ZNF569: variants seen among roughly 807,000 people sequenced by gnomAD.
The protein encoded by ZNF569 is DNA-binding protein.
Under a neutral mutation model 56.3 loss-of-function variants are expected in ZNF569, and 38 were observed. The observed-to-expected ratio is 0.68, with a 90% confidence interval of 0.52 to 0.88. ZNF569 has a LOEUF of 0.88. Among genes scored for constraint, ZNF569 ranks in the 40% least tolerant of loss-of-function variants. The pLI is 0.00. For missense variants in ZNF569, 666 were observed against 809.2 expected (o/e 0.82, Z 2.15); for synonymous variants, 241 against 262.9 (o/e 0.92, Z 0.81).
intron 3 of ZNF569, among the ~76,000 whole-genome samples, chr19:37,440,982 G>A (rs2041394980): frequency 6.6e-6 from 1 of 151,908 alleles, no homozygotes; most frequent in Non-Finnish European, 1.5e-5. Flanking sequence ...TACTACCTTG[G>A]CCTCTACTCA....
At chr19:37,417,810 C>A (rs948138929) in intron 5 of ZNF569, among the ~76,000 whole-genome samples, 2 of 152,036 alleles carry the variant, frequency 1.3e-5, no homozygotes, top group African/African-American at 4.8e-5. Context: ...TCCTTTTGTA[C>A]TTTAAAAGTT....
At chr19:37,454,916 C>G (rs2041649919) in intron 2 of ZNF569, 6 of 700,578 alleles carry the variant, frequency 8.6e-6, no homozygotes, top group Non-Finnish European at 1.6e-5. Context: ...CTTTCTTTCC[C>G]CAGATTTAAG....
chr19:37,454,802 T>C (rs564750902), intron 2 of ZNF569: 8 of 700,386 alleles, frequency 1.1e-5, no homozygotes, highest in African/African-American at 7.0e-5. Context: ...TTTAAAAATT[T>C]GTTTAAAAAC....
intron 2 of ZNF569, among the ~76,000 whole-genome samples, chr19:37,446,549 C>CAAAAAAAAAA (rs74174464): frequency 3.3e-5 from 2 of 60,454 alleles, no homozygotes. Context: ...GACTCCATCT[C>CAAAAAAAAAA]AAAAAAAAAA....
At chr19:37,422,238 G>A (rs1415910687) in intron 5 of ZNF569, among the ~76,000 whole-genome samples, 1 of 152,164 alleles carries the variant, frequency 6.6e-6, no homozygotes, top group East Asian at 1.9e-4. Context: ...GGTCATTGTA[G>A]GGTTATTAAT....
chr19:37,448,606 C>A (rs2041539349), intron 2 of ZNF569, among the ~76,000 whole-genome samples: 1 of 142,326 alleles, frequency 7.0e-6, no homozygotes, highest in South Asian at 2.3e-4. Context: ...CCCTGTCGCC[C>A]AGGCTGGAGT....
rs199794961 is a variant in ZNF569, at chr19:37,418,101, A to AAATAATAATAATAAT, written c.239-3697_239-3683dup. Among the ~76,000 whole-genome samples the AAATAATAATAATAAT allele has an allele frequency of 5.0e-3, 710 of 143,290 alleles. 5 individuals are homozygous for AAATAATAATAATAAT. Among genetic ancestry groups the AAATAATAATAATAAT allele is most frequent in the East Asian group, 0.045 (222 of 4,900 alleles). 94.0% of individuals were successfully genotyped at this position (143,290 alleles called of 152,430 possible). A position where few individuals can be genotyped will look rare whatever the true frequency, so the allele number is the denominator to read the frequency against. ...GGGTAACAGAGTGAGACTCCATCTCAAATAATAATAATAATAATAATAATA... is the reference window on the plus strand; with the variant it reads ...GGGTAACAGAGTGAGACTCCATCTCAAATAATAATAATAATAATAATAATAATAATAATAATAATA... On this transcript the variant is annotated intron_variant, in intron 5 of 5. Coordinates refer to ENST00000316950, the MANE Select transcript of ZNF569 (RefSeq NM_152484.3).
At position 37,414,120 on chromosome 19, in the gene ZNF569, G is replaced by A. The variant is rs377591054; in HGVS notation, c.538C>T (p.His180Tyr). The A allele has an allele frequency of 5.6e-6, 9 of 1,613,672 alleles. No homozygotes were observed. The African/African-American group carries it at 9.3e-5, about 17-fold the overall frequency. ...PVKSYGNSSS[H>Y]FVITPFKCNH... Reference sequence around the variant, plus strand: ...CACTTAAAGGGGGTAATGACAAAATGGGATGAGCTATTACCATATGATTTC... The same window carrying A: ...CACTTAAAGGGGGTAATGACAAAATAGGATGAGCTATTACCATATGATTTC... Residue 180 changes from histidine (H) to tyrosine (Y), a missense_variant, in exon 6 of 6, where the codon CAT becomes TAT. Coordinates refer to ENST00000316950, the MANE Select transcript of ZNF569 (RefSeq NM_152484.3).
At position 37,413,055 on chromosome 19, in the gene ZNF569, C is replaced by T; in HGVS notation, c.1603G>A (p.Ala535Thr). The T allele has an allele frequency of 6.2e-7, 1 of 1,613,436 alleles. No individual in the cohort carries two copies. The highest frequency in any genetic ancestry group is 8.5e-7 in the Non-Finnish European group (1 of 1,179,788). ...NECGKAFSQI[A>T]SLTLHLRSHT... The stretch of plus-strand genomic sequence containing the variant: ...CTTCTCAAATGAAGGGTAAGGGATG[C>T]AATTTGAGAGAAGGCTTTACCACAT... The change falls in exon 6 of 6, where the codon GCA becomes ACA. Residue 535 changes from alanine to threonine, a missense_variant. Ala to Thr is a moderately conservative substitution (Grantham distance 58). Coordinates refer to ENST00000316950, the MANE Select transcript of ZNF569 (RefSeq NM_152484.3).
intron 3 of ZNF569, among the ~76,000 whole-genome samples, chr19:37,441,029 T>A (rs1033765325): frequency 1.1e-4 from 17 of 152,190 alleles, no homozygotes; most frequent in Admixed American, 8.5e-4. Context: ...ACCAGTATAC[T>A]AGTTTTGAAG....
At chr19:37,443,504 G>C (rs997840085) in intron 3 of ZNF569, among the ~76,000 whole-genome samples, 1 of 152,112 alleles carries the variant, frequency 6.6e-6, no homozygotes, top group Non-Finnish European at 1.5e-5. Flanking sequence ...AGTGTACTAG[G>C]TGATCTTCTA....
At chr19:37,462,804 A>AAT (rs1340947788) in intron 2 of ZNF569, among the ~76,000 whole-genome samples, 1 of 152,108 alleles carries the variant, frequency 6.6e-6, no homozygotes, top group Non-Finnish European at 1.5e-5. Flanking sequence ...GACCTCATTC[A>AAT]GTCTCGTGTT....
At chr19:37,445,807 C>CA (rs1219739963) in intron 2 of ZNF569, among the ~76,000 whole-genome samples, 1 of 152,018 alleles carries the variant, frequency 6.6e-6, no homozygotes, top group African/African-American at 2.4e-5. Flanking sequence ...ATAACACAAA[C>CA]AAATGGAAAC....
chr19:37,429,396 C>T (rs1442530917), intron 3 of ZNF569, among the ~76,000 whole-genome samples: 1 of 152,176 alleles, frequency 6.6e-6, no homozygotes, highest in East Asian at 1.9e-4. Context: ...TCGTTCTCTG[C>T]CCTTTGGAGC....
chr19:37,413,097 G>A lies in ZNF569; in HGVS notation c.1561C>T (p.Pro521Ser), dbSNP rs181476478. The A allele has an allele frequency of 8.1e-6, 13 of 1,613,614 alleles. No individual in the cohort carries two copies. Among genetic ancestry groups the A allele is most frequent in the Admixed American group, 6.7e-5 (4 of 59,958 alleles). ...THQKVHTGEK[P>S]YDCNECGKAF... The stretch of plus-strand genomic sequence containing the variant: ...TTACCACATTCATTACAATCATAAG[G>A]TTTCTCTCCAGTATGAACTTTTTGA... Residue 521 changes from proline to serine, a missense_variant, in exon 6 of 6, where the codon CCT (proline) becomes TCT (serine). Pro to Ser is a moderately conservative substitution (Grantham distance 74). Transcript: ENST00000316950.
In ZNF569 at chr19:37,412,589, T is replaced by C. The variant is rs368111806; in HGVS notation, c.*8A>G. On this transcript the variant is annotated 3_prime_UTR_variant, in exon 6 of 6. Coordinates refer to ENST00000316950, the MANE Select transcript of ZNF569 (RefSeq NM_152484.3). The stretch of plus-strand genomic sequence containing the variant: ...GGCCTTGCCATATTCACAATATTCA[T>C]AGGGTTTCTAATGAGTATGAATTCT... 15 of 1,573,052 alleles carry C rather than the reference T, an allele frequency of 9.5e-6. No homozygotes were observed. In the East Asian group the frequency reaches 2.0e-4, roughly 21 times the overall value.
intron 3 of ZNF569, among the ~76,000 whole-genome samples, chr19:37,440,993 G>A (rs947718062): frequency 2.0e-5 from 3 of 152,066 alleles, no homozygotes; most frequent in African/African-American, 4.8e-5. Flanking sequence ...CCTCTACTCA[G>A]CACTCACTGG....
Position 37,412,769 on chromosome 19 carries a change from C to T in ZNF569, c.1889G>A (p.Gly630Asp). ...TTTACTACAGTCGAAGGGTTTCTCACCTGTATGTCCTCGTATATGTATAGT... is the reference window on the plus strand; with the variant it reads ...TTTACTACAGTCGAAGGGTTTCTCATCTGTATGTCCTCGTATATGTATAGT... Reference protein sequence around the residue: ...SLTIHIRGHTGEKPFDCSKCG... With the variant: ...SLTIHIRGHTDEKPFDCSKCG... Residue 630 changes from glycine (G) to aspartate (D), a missense_variant, in exon 6 of 6, where the codon GGT (glycine) becomes GAT (aspartate). Gly to Asp is a moderately conservative substitution (Grantham distance 94, BLOSUM62 -1). Transcript: ENST00000316950. 1 of 1,613,984 alleles carries T rather than the reference C, an allele frequency of 6.2e-7. No individual in the cohort carries two copies. The highest frequency in any genetic ancestry group is 8.5e-7 in the Non-Finnish European group (1 of 1,179,930).
At chr19:37,430,547 C>T (rs2041208754) in intron 3 of ZNF569, among the ~76,000 whole-genome samples, 1 of 151,186 alleles carries the variant, frequency 6.6e-6, no homozygotes, top group Non-Finnish European at 1.5e-5. Flanking sequence ...CAATGGAGGA[C>T]AAATAGCAAT....
Sources: allele counts gnomAD v4.1 joint callset (sites outside exome capture counted in the v4.1 genomes callset), GRCh38; gene constraint gnomAD v4.1.1; transcripts MANE v1.5; gene names NCBI Gene and HGNC (gene_info 2026-07-23, HGNC 2026-07-21).